CADPS: variants seen among roughly 807,000 people sequenced by gnomAD.
CADPS encodes calcium dependent secretion activator.
CADPS carries 57 observed loss-of-function variants against 167.3 expected under a neutral mutation model. The ratio of observed to expected loss-of-function variants is 0.34; its 90% CI spans 0.28 to 0.42. CADPS has a LOEUF of 0.42. Among genes scored for constraint, CADPS ranks in the 20% least tolerant of loss-of-function variants. The pLI is 1.00. For missense variants in CADPS, 1,414 were observed against 1,738.1 expected (o/e 0.81, Z 3.32); for synonymous variants, 676 against 635.3 (o/e 1.06, Z -0.96).
rs1288297667 is a variant in CADPS, at chr3:62,398,559, T to C, written c.*847A>G. 1.3e-5 allele frequency: 2 copies of C among 152,630 alleles called. No homozygotes were observed. The highest frequency in any genetic ancestry group is 2.9e-5 in the Non-Finnish European group (2 of 68,042). 9.5% of individuals were successfully genotyped at this position (152,630 alleles called of 1,614,324 possible). On this transcript the variant is annotated 3_prime_UTR_variant, in exon 30 of 30. Coordinates refer to ENST00000383710, the MANE Select transcript of CADPS (RefSeq NM_003716.4). ...CAGTGTGGAACAAAATAATTTAAAT[T>C]ATGGTTACAATCTACTGAAGGAAAT...
intron 15 of CADPS, 103 bp downstream of exon 15, chr3:62,516,477 T>C: frequency 1.1e-6 from 1 of 922,456 alleles, no homozygotes; most frequent in Non-Finnish European, 1.7e-6. Flanking sequence ...GGTAAACAAA[T>C]CCTATAAAAA....
chr3:62,824,592 AAAAC>A (rs1277843320), intron 1 of CADPS, among the ~76,000 whole-genome samples: 5 of 152,182 alleles, frequency 3.3e-5, no homozygotes, highest in Admixed American at 6.6e-5. Context: ...TTACAAAAAC[AAAAC>A]AAACAAACAA....
intron 6 of CADPS, among the ~76,000 whole-genome samples, chr3:62,597,633 G>A (rs1457213212): frequency 1.3e-5 from 2 of 152,152 alleles, no homozygotes; most frequent in East Asian, 1.9e-4. Context: ...CTCATAAGGC[G>A]TGTAACAAGA....
At chr3:62,725,055 T>C (rs1353321437) in intron 3 of CADPS, among the ~76,000 whole-genome samples, 1 of 152,162 alleles carries the variant, frequency 6.6e-6, no homozygotes, top group African/African-American at 2.4e-5. Flanking sequence ...AGACTTCCAG[T>C]TTTCTGCCTT....
At chr3:62,793,794 C>T (rs867041085) in intron 1 of CADPS, among the ~76,000 whole-genome samples, 1 of 152,126 alleles carries the variant, frequency 6.6e-6, no homozygotes, top group Non-Finnish European at 1.5e-5. Context: ...CACATGTGTG[C>T]GTGCATGCAT....
At chr3:62,662,254 T>C in intron 4 of CADPS, 60 bp downstream of exon 4, 3 of 1,355,326 alleles carry the variant, frequency 2.2e-6, no homozygotes, top group Non-Finnish European at 3.2e-6. Context: ...CAATAATCAA[T>C]GTGCTTCCTG....
At chr3:62,658,163 T>G (rs1475020884) in intron 4 of CADPS, among the ~76,000 whole-genome samples, 1 of 152,156 alleles carries the variant, frequency 6.6e-6, no homozygotes, top group African/African-American at 2.4e-5. Flanking sequence ...ACAACTCAGT[T>G]TTCTGCATAG....
intron 1 of CADPS, among the ~76,000 whole-genome samples, chr3:62,834,387 T>C (rs1349501057): frequency 6.6e-6 from 1 of 152,122 alleles, no homozygotes; most frequent in Non-Finnish European, 1.5e-5. Flanking sequence ...TTATAGAAAA[T>C]TAGAACTAGA....
intron 3 of CADPS, among the ~76,000 whole-genome samples, chr3:62,694,799 G>A (rs540259331): frequency 2.0e-5 from 3 of 152,158 alleles, no homozygotes; most frequent in Admixed American, 6.5e-5. Flanking sequence ...AAGGTAGAAT[G>A]GTTTACTGAA....
intron 1 of CADPS, among the ~76,000 whole-genome samples, chr3:62,823,118 T>G (rs1297128442): frequency 6.6e-6 from 1 of 152,162 alleles, no homozygotes; most frequent in Non-Finnish European, 1.5e-5. Context: ...TTTTCAAAAA[T>G]TAATAGATGC....
intron 1 of CADPS, among the ~76,000 whole-genome samples, chr3:62,845,442 T>C (rs2077259159): frequency 6.6e-6 from 1 of 152,142 alleles, no homozygotes; most frequent in African/African-American, 2.4e-5. Flanking sequence ...ATAATACATC[T>C]CTCATTAGGT....
At chr3:62,624,966 C>T (rs896906092) in intron 6 of CADPS, among the ~76,000 whole-genome samples, 1 of 143,860 alleles carries the variant, frequency 7.0e-6, no homozygotes, top group Non-Finnish European at 1.5e-5. Context: ...TTGAAACTTA[C>T]AATGGAGAGT....
chr3:62,838,249 G>C (rs1016415869), intron 1 of CADPS, among the ~76,000 whole-genome samples: 1 of 152,194 alleles, frequency 6.6e-6, no homozygotes, highest in Non-Finnish European at 1.5e-5. Context: ...AGATAGGTCA[G>C]AAATGCATGT....
intron 11 of CADPS, among the ~76,000 whole-genome samples, chr3:62,548,481 C>T (rs541404527): frequency 6.6e-6 from 1 of 152,294 alleles, no homozygotes; most frequent in Admixed American, 6.5e-5. Flanking sequence ...ACAGGAATTC[C>T]TGGGAGCATC....
chr3:62,481,993 C>A, intron 21 of CADPS, 124 bp from the exon 22 acceptor site: 1 of 893,802 alleles, frequency 1.1e-6, no homozygotes, highest in Non-Finnish European at 1.8e-6. Flanking sequence ...AAAACTCAAG[C>A]GACACACTTC....
intron 6 of CADPS, among the ~76,000 whole-genome samples, chr3:62,617,477 A>G (rs376918120): frequency 7.9e-5 from 12 of 152,144 alleles, no homozygotes; most frequent in South Asian, 2.1e-4. Flanking sequence ...TATTTCTTCA[A>G]TCAGTAAATA....
rs80339379 is a variant in CADPS at position 62,493,394 on chromosome 3, T to C, written c.2727+251A>G. Among the ~76,000 whole-genome samples the C allele has an allele frequency of 3.1e-3, 468 of 151,920 alleles. 4 individuals carry two copies. The highest frequency in any genetic ancestry group is 0.011 in the African/African-American group (452 of 41,424). Reference sequence around the variant, plus strand: ...AAAACAAATTGCCAGCCTCTTCTGGTCCCCCACATCCCCATTCAATGCCGC... The same window carrying C: ...AAAACAAATTGCCAGCCTCTTCTGGCCCCCCACATCCCCATTCAATGCCGC... On this transcript the variant is annotated intron_variant, in intron 19 of 29. Transcript: ENST00000383710.
At chr3:62,724,557 G>A (rs780889680) in intron 3 of CADPS, among the ~76,000 whole-genome samples, 5 of 152,112 alleles carry the variant, frequency 3.3e-5, no homozygotes, top group African/African-American at 9.7e-5. Context: ...GTAGAAAAGC[G>A]GTAGTTTCCA....
At chr3:62,570,043 A>G (rs894607272) in intron 9 of CADPS, among the ~76,000 whole-genome samples, 5 of 152,222 alleles carry the variant, frequency 3.3e-5, no homozygotes, top group African/African-American at 1.2e-4. Flanking sequence ...CTACATTTGT[A>G]TCCATATACA....
Sources: allele counts gnomAD v4.1 joint callset (sites outside exome capture counted in the v4.1 genomes callset), GRCh38; gene constraint gnomAD v4.1.1; transcripts MANE v1.5; gene names NCBI Gene and HGNC (gene_info 2026-07-23, HGNC 2026-07-21).